The following TBC1D8 variants were observed in gnomAD, a reference collection of about 807,000 sequenced individuals.
The protein encoded by TBC1D8 is BUB2-like protein 1.
Under a neutral mutation model 118.8 loss-of-function variants are expected in TBC1D8, and 65 were observed. The ratio of observed to expected loss-of-function variants is 0.55; its 90% CI spans 0.45 to 0.67. The LOEUF is 0.67. Among genes scored for constraint, TBC1D8 ranks in the 30% least tolerant of loss-of-function variants. TBC1D8 has a pLI of 0.00. For missense variants in TBC1D8, 1,376 were observed against 1,471.2 expected, an observed-to-expected ratio of 0.94 and a Z score of 1.06; for synonymous variants, 566 against 595.8, an observed-to-expected ratio of 0.95 and a Z score of 0.73.
At chr2:101,033,510 A>G (rs1481691199) in intron 10 of TBC1D8, 34 bp downstream of exon 10, 2 of 1,612,486 alleles carry the variant, frequency 1.2e-6, no homozygotes, top group Admixed American at 3.3e-5. Context: ...CACCAACTAA[A>G]GACTCTCTGC....
chr2:101,012,357 T>G (rs1679281554), intron 17 of TBC1D8, among the ~76,000 whole-genome samples: 1 of 152,212 alleles, frequency 6.6e-6, no homozygotes, highest in Non-Finnish European at 1.5e-5. Flanking sequence ...ATGGAATATT[T>G]GGCCATTAAA....
chr2:101,151,054 C>T, intron 1 of TBC1D8, 73 bp downstream of exon 1: 1 of 962,794 alleles, frequency 1.0e-6, no homozygotes, highest in Non-Finnish European at 1.2e-6. Flanking sequence ...CAGCCCGGGA[C>T]TGGGGGCCGC....
At position 101,058,505 on chromosome 2, in the gene TBC1D8, C is replaced by G. The variant is rs189973920; in HGVS notation, c.402+916G>C. Among the ~76,000 whole-genome samples, 262 of 152,222 alleles carry G rather than the reference C, an allele frequency of 1.7e-3. 3 individuals are homozygous for G. The highest frequency in any genetic ancestry group is 4.1e-3 in the East Asian group (21 of 5,172). On this transcript the variant is annotated intron_variant, in intron 3 of 19. Coordinates refer to ENST00000409318, the MANE Select transcript of TBC1D8 (RefSeq NM_001330348.2). ...AGTTAAATTTAGAATGAGAAACCAT[C>G]TCTCCCAACCCGATGGGGCTTTTAA...
At chr2:101,096,104 G>A (rs898136260) in intron 1 of TBC1D8, among the ~76,000 whole-genome samples, 13 of 152,116 alleles carry the variant, frequency 8.5e-5, no homozygotes, top group African/African-American at 3.1e-4. Flanking sequence ...TTAGTTTTCT[G>A]TAGAGATGGG....
At position 101,151,217 on chromosome 2, in the gene TBC1D8, C is replaced by A. The variant is rs1320413990; in HGVS notation, c.37G>T (p.Ala13Ser). ...TTCTGGGTCACCCAGAGCTTCAGCG[C>A]GTTCTTCAGCAGCACCTCCTCGGGC... ...LKPEEVLLKN[A>S]LKLWVTQKSS... Residue 13 changes from alanine (A) to serine (S), a missense_variant, in exon 1 of 20, where the codon GCG becomes TCG. By Grantham distance (99) the Ala-to-Ser change is moderately conservative. Coordinates refer to ENST00000409318, the MANE Select transcript of TBC1D8 (RefSeq NM_001330348.2). The A allele has an allele frequency of 1.6e-6, 2 of 1,252,862 alleles. No homozygotes were observed. The highest frequency in any genetic ancestry group is 2.1e-6 in the Non-Finnish European group (2 of 973,830). 77.6% of individuals were successfully genotyped at this position (1,252,862 alleles called of 1,614,324 possible). A position where few individuals can be genotyped will look rare whatever the true frequency, so the allele number is the denominator to read the frequency against.
rs1233846769 is a variant in TBC1D8, at chr2:101,117,612, C to T, written c.128-27248G>A. ...TTTTTGAGACAGAGTCTCGCTCTGT[C>T]GCCCAGGCTGGAGTGCAGTGGCGCC... On this transcript the variant is annotated intron_variant, in intron 1 of 19. Coordinates refer to ENST00000409318, the MANE Select transcript of TBC1D8 (RefSeq NM_001330348.2). 8.6e-5 allele frequency among the ~76,000 whole-genome samples: 12 copies of T among 139,712 alleles called. No individual in the cohort carries two copies. The South Asian group carries it at 9.2e-4, about 11-fold the overall frequency. The allele number at this position is 139,712 out of a possible 152,430, so 91.7% of individuals were successfully genotyped here. A position where few individuals can be genotyped will look rare whatever the true frequency, so the allele number is the denominator to read the frequency against.
chr2:101,081,499 A>G (rs1675263882), intron 2 of TBC1D8, among the ~76,000 whole-genome samples: 1 of 152,214 alleles, frequency 6.6e-6, no homozygotes, highest in Non-Finnish European at 1.5e-5. Flanking sequence ...CAAAGCAGTG[A>G]GTGTTATTAA....
intron 18 of TBC1D8, 60 bp from the exon 19 acceptor site, chr2:101,011,086 G>T: frequency 6.5e-7 from 1 of 1,530,492 alleles, no homozygotes. Flanking sequence ...ACAGCAAAAA[G>T]GAAACTATGT....
intron 19 of TBC1D8, among the ~76,000 whole-genome samples, chr2:101,010,106 G>A (rs560695940): frequency 1.8e-4 from 27 of 151,992 alleles, no homozygotes; most frequent in African/African-American, 6.0e-4. Flanking sequence ...GATTACAGAC[G>A]TGAGCCAAAA....
chr2:101,021,686 G>A lies in TBC1D8; in HGVS notation c.2822C>T (p.Pro941Leu), dbSNP rs938587795. ...TGCTACTTGGACTTTCTTACCTGGA[G>A]GGATATGAAGCCTGTATAATAGTTT... ...KIKLLYRLHI[P>L]PALTENDRDS... The change falls in exon 17 of 20, where the codon CCT (proline) becomes CTT (leucine). Residue 941 changes from proline (P) to leucine (L), a missense_variant. Coordinates refer to ENST00000409318, the MANE Select transcript of TBC1D8 (RefSeq NM_001330348.2). The A allele has an allele frequency of 5.0e-6, 8 of 1,597,038 alleles. No individual in the cohort carries two copies. Among genetic ancestry groups the A allele is most frequent in the Non-Finnish European group, 6.9e-6 (8 of 1,167,686 alleles).
In TBC1D8 at chr2:101,050,567, G is replaced by A. The variant is rs1682007204; in HGVS notation, c.706C>T (p.Arg236Ter). The change falls in exon 5 of 20, where the codon CGA becomes TGA. Residue 236 changes from arginine (R) to a stop codon, truncating the protein, a stop_gained. Coordinates refer to ENST00000409318, the MANE Select transcript of TBC1D8 (RefSeq NM_001330348.2). LOFTEE classifies it high-confidence loss of function. ...CGCTCCTTATTCTGCGTGGTGATTC[G>A]GATGGTATCCGTCAGAAAGACATTG... ...TSNVFLTDTI[R>*]ITTQNKERDF... is the part of the protein sequence containing the mutation. The A allele has an allele frequency of 1.9e-6, 3 of 1,613,882 alleles. No homozygotes were observed. Among genetic ancestry groups the A allele is most frequent in the Admixed American group, 1.7e-5 (1 of 60,004 alleles).
In TBC1D8 at chr2:101,059,578, G is replaced by A. The variant is rs1682643072; in HGVS notation, c.284-39C>T. On this transcript the variant is annotated intron_variant, in intron 2 of 19. Transcript: ENST00000409318. ...GAAAAAGATACAGAGATTAAAAAAT[G>A]CAATAGAAGTAATTCCTAGAACGTT... is the stretch of plus-strand genomic sequence containing the variant. 3.4e-6 allele frequency: 5 copies of A among 1,471,238 alleles called. No homozygotes were observed. The South Asian group carries it at 5.8e-5, about 17-fold the overall frequency. 91.1% of individuals were successfully genotyped at this position (1,471,238 alleles called of 1,614,324 possible). A position where few individuals can be genotyped will look rare whatever the true frequency, so the allele number is the denominator to read the frequency against.
chr2:101,110,021 C>A, intron 1 of TBC1D8: 1 of 985,422 alleles, frequency 1.0e-6, no homozygotes, highest in South Asian at 4.7e-5. Context: ...CTCCTGGCGT[C>A]TCAGCGAGCA....
chr2:101,151,118 G>C lies in TBC1D8; in HGVS notation c.127+9C>G. Reference sequence around the variant, plus strand: ...CCGGCCGCCGCGCCCGCCCCGGCGAGCCCCTTACCGGTGAGGCGGCCGCCC... The same window carrying C: ...CCGGCCGCCGCGCCCGCCCCGGCGACCCCCTTACCGGTGAGGCGGCCGCCC... On this transcript the variant is annotated intron_variant, in intron 1 of 19. Coordinates refer to ENST00000409318, the MANE Select transcript of TBC1D8 (RefSeq NM_001330348.2). 8.4e-6 allele frequency: 9 copies of C among 1,074,800 alleles called. No individual in the cohort carries two copies. Among genetic ancestry groups the C allele is most frequent in the Non-Finnish European group, 1.0e-5 (9 of 877,090 alleles). 66.6% of individuals were successfully genotyped at this position (1,074,800 alleles called of 1,614,324 possible).
chr2:101,114,559 A>AT (rs1315137604), intron 1 of TBC1D8, among the ~76,000 whole-genome samples: 10 of 152,312 alleles, frequency 6.6e-5, no homozygotes, highest in African/African-American at 2.2e-4. Flanking sequence ...AAAGCCTGCC[A>AT]TATGTCCTTC....
chr2:101,098,998 G>T (rs1676652429), intron 1 of TBC1D8, among the ~76,000 whole-genome samples: 1 of 145,016 alleles, frequency 6.9e-6, no homozygotes, highest in African/African-American at 2.6e-5. Flanking sequence ...CAGAAGACAA[G>T]AAATAACTAA....
rs773016878 is a variant in TBC1D8, at chr2:101,054,285, G to T, written c.454C>A (p.Pro152Thr). Reference sequence around the variant, plus strand: ...ACCAGGGCTTCTCGGAATTTCTCGGGTTCCTCCTCCTGCTCGGCGAGCCTG... The same window carrying T: ...ACCAGGGCTTCTCGGAATTTCTCGGTTTCCTCCTCCTGCTCGGCGAGCCTG... ...SSRLAEQEEE[P>T]EKFREALVKF... is the part of the protein sequence containing the mutation. Residue 152 changes from proline (P) to threonine (T), a missense_variant, in exon 4 of 20, where the codon CCC (proline) becomes ACC (threonine). Physicochemically the swap from Pro to Thr is conservative, Grantham distance 38 (BLOSUM62 -1). Coordinates refer to ENST00000409318, the MANE Select transcript of TBC1D8 (RefSeq NM_001330348.2). 5.5e-5 allele frequency: 88 copies of T among 1,590,944 alleles called. No individual in the cohort carries two copies. The highest frequency in any genetic ancestry group is 7.4e-5 in the Non-Finnish European group (87 of 1,168,686).
At chr2:101,115,686 G>T (rs1008232162) in intron 1 of TBC1D8, among the ~76,000 whole-genome samples, 3 of 152,190 alleles carry the variant, frequency 2.0e-5, no homozygotes, top group African/African-American at 7.2e-5. Context: ...AGGAGGCAGA[G>T]GGTGCAATGA....
At chr2:101,147,319 C>T (rs953357646) in intron 1 of TBC1D8, among the ~76,000 whole-genome samples, 4 of 152,104 alleles carry the variant, frequency 2.6e-5, no homozygotes, top group Non-Finnish European at 4.4e-5. Context: ...TCATTTCCTT[C>T]GAATATATAC....
Sources: allele counts gnomAD v4.1 joint callset (sites outside exome capture counted in the v4.1 genomes callset), GRCh38; gene constraint gnomAD v4.1.1; transcripts MANE v1.5; gene names NCBI Gene and HGNC (gene_info 2026-07-23, HGNC 2026-07-21).